PPFIA2: variants seen among roughly 807,000 people sequenced by gnomAD.
PPFIA2 encodes the protein liprin-alpha-2.
In PPFIA2, 46 loss-of-function variants were observed where a neutral mutation model predicts 175.5. That is an observed-to-expected ratio of 0.26 (90% CI 0.21 to 0.34). The LOEUF is 0.34. PPFIA2 is among the 10% of genes least tolerant of loss of function. The pLI is 1.00. For missense variants in PPFIA2, 1,179 were observed against 1,506.1 expected, an observed-to-expected ratio of 0.78 and a Z score of 3.60; for synonymous variants, 568 against 511.4, an observed-to-expected ratio of 1.11 and a Z score of -1.49.
At chr12:81,383,415 C>A (rs2038201905) in intron 9 of PPFIA2, among the ~76,000 whole-genome samples, 1 of 151,930 alleles carries the variant, frequency 6.6e-6, no homozygotes, top group Non-Finnish European at 1.5e-5. Flanking sequence ...GACAGTGTTA[C>A]AAATTAAACA....
At chr12:81,448,161 C>G (rs995132286) in intron 5 of PPFIA2, among the ~76,000 whole-genome samples, 1 of 152,276 alleles carries the variant, frequency 6.6e-6, no homozygotes, top group Admixed American at 6.5e-5. Context: ...TAAAGGATAT[C>G]TGTTATTAGA....
chr12:81,389,492 G>A (rs2039698919), intron 8 of PPFIA2, among the ~76,000 whole-genome samples: 1 of 151,948 alleles, frequency 6.6e-6, no homozygotes, highest in Non-Finnish European at 1.5e-5. Context: ...GATTACCCAT[G>A]AGGAGATTTT....
At chr12:81,389,681 GT>G (rs1595947964) in intron 8 of PPFIA2, among the ~76,000 whole-genome samples, 2 of 151,906 alleles carry the variant, frequency 1.3e-5, no homozygotes, top group Admixed American at 6.6e-5. Context: ...AAAAGATCTT[GT>G]TTTTGTTCCA....
intron 4 of PPFIA2, among the ~76,000 whole-genome samples, chr12:81,671,567 T>C (rs949497222): frequency 3.3e-5 from 5 of 151,858 alleles, no homozygotes; most frequent in Admixed American, 6.6e-5. Flanking sequence ...AACAAGAAAA[T>C]GTTTCTAAAG....
chr12:81,299,638 G>A (rs2047329890), intron 22 of PPFIA2, among the ~76,000 whole-genome samples: 1 of 152,060 alleles, frequency 6.6e-6, no homozygotes, highest in Non-Finnish European at 1.5e-5. Context: ...AAGTGCTAAT[G>A]GAATTAGAAG....
rs1199699295 is a variant in PPFIA2, at chr12:81,657,886, A to G, written c.303+18905T>C. Among the ~76,000 whole-genome samples the G allele has an allele frequency of 2.0e-5, 3 of 152,030 alleles. No homozygotes were observed. In the East Asian group the frequency reaches 5.8e-4, roughly 29 times the overall value. The stretch of plus-strand genomic sequence containing the variant: ...CAAAAAAATAAAAATAACCCCCCCA[A>G]CCCAAATTACCATGATTATTTCCAT... On this transcript the variant is annotated intron_variant, in intron 4 of 32. Transcript: ENST00000549396.
chr12:81,732,503 TG>T (rs1417635180), intron 3 of PPFIA2, among the ~76,000 whole-genome samples: 18 of 109,716 alleles, frequency 1.6e-4, no homozygotes, highest in African/African-American at 5.0e-4. Flanking sequence ...ATATGGATGA[TG>T]TTTTTTTTTA....
At chr12:81,587,530 A>C (rs1169923202) in intron 4 of PPFIA2, among the ~76,000 whole-genome samples, 1 of 152,010 alleles carries the variant, frequency 6.6e-6, no homozygotes, top group African/African-American at 2.4e-5. Flanking sequence ...TAATGTTCTT[A>C]ACTATTATGA....
At chr12:81,630,899 A>ATTT (rs56990168) in intron 4 of PPFIA2, among the ~76,000 whole-genome samples, 1 of 106,446 alleles carries the variant, frequency 9.4e-6, no homozygotes, top group Admixed American at 9.6e-5. Flanking sequence ...ATATATATAT[A>ATTT]TTTTTTTTTT....
At chr12:81,525,170 A>C (rs1052106978) in intron 4 of PPFIA2, among the ~76,000 whole-genome samples, 1 of 152,200 alleles carries the variant, frequency 6.6e-6, no homozygotes, top group East Asian at 1.9e-4. Flanking sequence ...GATAGAGTCA[A>C]TTTGGCTCCT....
chr12:81,263,645 C>T (rs187815434), intron 30 of PPFIA2, among the ~76,000 whole-genome samples: 2 of 152,180 alleles, frequency 1.3e-5, no homozygotes, highest in Non-Finnish European at 2.9e-5. Context: ...CAGTAAATAT[C>T]CTTGAAAGCC....
At chr12:81,440,801 T>C (rs1284866673) in intron 6 of PPFIA2, among the ~76,000 whole-genome samples, 1 of 148,132 alleles carries the variant, frequency 6.8e-6, no homozygotes, top group Non-Finnish European at 1.5e-5. Flanking sequence ...TTTAGATCTA[T>C]ATATATGTCC....
At chr12:81,628,401 A>G (rs765311356) in intron 4 of PPFIA2, among the ~76,000 whole-genome samples, 2 of 86,774 alleles carry the variant, frequency 2.3e-5, no homozygotes. Flanking sequence ...TTTTTTTGAT[A>G]TGGCTCACTC....
At chr12:81,280,889 T>C (rs1366931296) in intron 27 of PPFIA2, among the ~76,000 whole-genome samples, 1 of 147,228 alleles carries the variant, frequency 6.8e-6, no homozygotes, top group Non-Finnish European at 1.5e-5. Flanking sequence ...CACATATTTG[T>C]GTAGAGTTGA....
chr12:81,743,789 T>C (rs2082671499), intron 3 of PPFIA2, among the ~76,000 whole-genome samples: 1 of 152,120 alleles, frequency 6.6e-6, no homozygotes, highest in South Asian at 2.1e-4. Context: ...GCCAGCAGAA[T>C]TTAGGCAGTG....
chr12:81,277,281 A>G, intron 28 of PPFIA2, 36 bp downstream of exon 28: 1 of 1,507,406 alleles, frequency 6.6e-7, no homozygotes, highest in South Asian at 1.3e-5. Context: ...AAAACCCCAG[A>G]ATAAAGGCAT....
At chr12:81,267,779 C>G (rs895124883) in intron 29 of PPFIA2, 133 bp downstream of exon 29, 1 of 668,016 alleles carries the variant, frequency 1.5e-6, no homozygotes. Flanking sequence ...AAATTAAAAC[C>G]CCAGTGACAT....
At chr12:81,622,538 A>G (rs1158445771) in intron 4 of PPFIA2, among the ~76,000 whole-genome samples, 5 of 152,130 alleles carry the variant, frequency 3.3e-5, no homozygotes, top group African/African-American at 9.7e-5. Flanking sequence ...AAAGGAAAAA[A>G]TCAGAAAACA....
intron 16 of PPFIA2, among the ~76,000 whole-genome samples, chr12:81,354,993 G>A (rs923310248): frequency 1.3e-5 from 2 of 152,096 alleles, no homozygotes; most frequent in Admixed American, 6.6e-5. Flanking sequence ...TCTTAATGGC[G>A]CCTAGAATGA....
Sources: allele counts gnomAD v4.1 joint callset (sites outside exome capture counted in the v4.1 genomes callset), GRCh38; gene constraint gnomAD v4.1.1; transcripts MANE v1.5; gene names NCBI Gene and HGNC (gene_info 2026-07-23, HGNC 2026-07-21).